The following CADPS variants were observed in gnomAD, a reference collection of about 807,000 sequenced individuals.
CADPS encodes the protein calcium-dependent secretion activator 1.
CADPS carries 57 observed loss-of-function variants against 167.3 expected under a neutral mutation model. That is an observed-to-expected ratio of 0.34 (90% CI 0.28 to 0.42). The LOEUF (loss-of-function observed/expected upper bound fraction) is 0.42, where lower values mean the gene tolerates loss of function less well. CADPS is among the 20% of genes least tolerant of loss of function. The pLI is 1.00. For synonymous variants in CADPS, 676 were observed against 635.3 expected, an observed-to-expected ratio of 1.06 and a Z score of -0.96; for missense variants, 1,414 against 1,738.1, an observed-to-expected ratio of 0.81 and a Z score of 3.32.
At chr3:62,693,479 G>C (rs2079598579) in intron 3 of CADPS, among the ~76,000 whole-genome samples, 2 of 152,058 alleles carry the variant, frequency 1.3e-5, no homozygotes, top group Non-Finnish European at 2.9e-5. Flanking sequence ...TTTAAATTTT[G>C]TTTTTGCCAG....
chr3:62,512,859 C>T, intron 16 of CADPS, 91 bp from the exon 17 acceptor site: 1 of 1,087,360 alleles, frequency 9.2e-7, no homozygotes, highest in Non-Finnish European at 1.4e-6. Flanking sequence ...AAAATGCCCC[C>T]CACTTATGTG....
intron 3 of CADPS, among the ~76,000 whole-genome samples, chr3:62,667,809 C>T (rs2074749997): frequency 6.6e-6 from 1 of 151,448 alleles, no homozygotes; most frequent in African/African-American, 2.4e-5. Flanking sequence ...TGGGGGGAGA[C>T]AGGGAGGAAG....
chr3:62,647,680 A>G (rs1486486664), intron 5 of CADPS, among the ~76,000 whole-genome samples: 1 of 152,212 alleles, frequency 6.6e-6, no homozygotes, highest in Non-Finnish European at 1.5e-5. Flanking sequence ...CATTGGGAAG[A>G]ACCATATAAA....
chr3:62,710,271 A>C (rs1487876590), intron 3 of CADPS, among the ~76,000 whole-genome samples: 1 of 151,922 alleles, frequency 6.6e-6, no homozygotes, highest in Non-Finnish European at 1.5e-5. Context: ...CGCTGGCCTC[A>C]ACTGGGGTGG....
chr3:62,555,331 T>C (rs541802761), intron 10 of CADPS, among the ~76,000 whole-genome samples: 7 of 152,342 alleles, frequency 4.6e-5, no homozygotes, highest in Admixed American at 1.3e-4. Context: ...TCCTTACACA[T>C]GTAGATAGAA....
At chr3:62,809,620 T>C (rs2094296901) in intron 1 of CADPS, among the ~76,000 whole-genome samples, 1 of 152,188 alleles carries the variant, frequency 6.6e-6, no homozygotes, top group Admixed American at 6.5e-5. Context: ...TTTAACATTA[T>C]ACAAAGCACT....
At chr3:62,710,779 A>C (rs1486370954) in intron 3 of CADPS, among the ~76,000 whole-genome samples, 2 of 152,246 alleles carry the variant, frequency 1.3e-5, no homozygotes, top group African/African-American at 4.8e-5. Context: ...GAGGTGATAA[A>C]GAATAGGAAA....
chr3:62,556,637 C>G (rs1232058494), intron 10 of CADPS, among the ~76,000 whole-genome samples: 1 of 152,052 alleles, frequency 6.6e-6, no homozygotes, highest in African/African-American at 2.4e-5. Flanking sequence ...TTTCGCACCC[C>G]CCTCCCATTT....
intron 8 of CADPS, among the ~76,000 whole-genome samples, chr3:62,582,062 T>G (rs2083532901): frequency 6.6e-6 from 1 of 152,222 alleles, no homozygotes; most frequent in South Asian, 2.1e-4. Context: ...CACACCAATA[T>G]TCATAATTCC....
chr3:62,678,106 G>C (rs961275577), intron 3 of CADPS, among the ~76,000 whole-genome samples: 2 of 151,998 alleles, frequency 1.3e-5, no homozygotes, highest in Non-Finnish European at 2.9e-5. Context: ...CTGTCACAAG[G>C]CTGCTGATCC....
intron 3 of CADPS, among the ~76,000 whole-genome samples, chr3:62,746,134 T>C (rs2081392695): frequency 2.6e-5 from 4 of 152,154 alleles, no homozygotes; most frequent in Admixed American, 2.0e-4. Context: ...CCACAGTGAG[T>C]TATGCCCTAC....
chr3:62,809,191 T>C (rs185468958), intron 1 of CADPS, among the ~76,000 whole-genome samples: 3 of 152,320 alleles, frequency 2.0e-5, no homozygotes, highest in Admixed American at 6.5e-5. Context: ...TTGCTTTTCA[T>C]ACTTTCTAGA....
chr3:62,414,608 C>T (rs2049645305), intron 28 of CADPS, among the ~76,000 whole-genome samples: 1 of 152,200 alleles, frequency 6.6e-6, no homozygotes, highest in African/African-American at 2.4e-5. Context: ...CCCTGTTCGC[C>T]CAACCAATGT....
intron 18 of CADPS, among the ~76,000 whole-genome samples, chr3:62,496,192 G>A (rs2064762249): frequency 6.6e-6 from 1 of 151,718 alleles, no homozygotes; most frequent in Non-Finnish European, 1.5e-5. Context: ...TAGTGTGCCA[G>A]CAGTAAGGCT....
chr3:62,652,522 A>G (rs972101393), intron 4 of CADPS, among the ~76,000 whole-genome samples: 1 of 152,166 alleles, frequency 6.6e-6, no homozygotes, highest in African/African-American at 2.4e-5. Flanking sequence ...CAGTTGAACT[A>G]GACTGAGAGA....
chr3:62,667,378 G>T (rs189163345), intron 3 of CADPS, among the ~76,000 whole-genome samples: 2 of 152,032 alleles, frequency 1.3e-5, no homozygotes, highest in Admixed American at 1.3e-4. Context: ...CCTGTGTTCT[G>T]ATCCTTAGTT....
chr3:62,765,888 C>G lies in CADPS; in HGVS notation c.538G>C (p.Val180Leu), dbSNP rs775215525. ...ATTCTCACCTCATAGTAACTCTGCA[C>G]AGCGTTCATGAAGGCTTCGTCAGCC... The part of the protein sequence containing the change: ...IMADEAFMNA[V>L]QSYYEVFLKS... The change falls in exon 2 of 30, where the codon GTG becomes CTG. Residue 180 changes from valine to leucine, a missense_variant. Transcript: ENST00000383710. 2.5e-6 allele frequency: 4 copies of G among 1,611,366 alleles called. No individual in the cohort carries two copies. In the South Asian group the frequency reaches 4.4e-5, roughly 18 times the overall value.
intron 1 of CADPS, among the ~76,000 whole-genome samples, chr3:62,789,005 T>A (rs1159259979): frequency 6.6e-6 from 1 of 152,190 alleles, no homozygotes; most frequent in African/African-American, 2.4e-5. Context: ...CATTCAATGA[T>A]CACAAAAATA....
chr3:62,713,820 G>A (rs1471481263), intron 3 of CADPS, among the ~76,000 whole-genome samples: 1 of 152,114 alleles, frequency 6.6e-6, no homozygotes, highest in Non-Finnish European at 1.5e-5. Context: ...TCACTCTCCA[G>A]GGACTTGGAA....
Sources: allele counts gnomAD v4.1 joint callset (sites outside exome capture counted in the v4.1 genomes callset), GRCh38; gene constraint gnomAD v4.1.1; transcripts MANE v1.5; gene names NCBI Gene and HGNC (gene_info 2026-07-23, HGNC 2026-07-21).